Variants in PALMD observed in about 807,000 individuals in gnomAD.
PALMD encodes palmdelphin.
PALMD carries 42 observed loss-of-function variants against 56.2 expected under a neutral mutation model. The ratio of observed to expected loss-of-function variants is 0.75; its 90% CI spans 0.58 to 0.97. The LOEUF (loss-of-function observed/expected upper bound fraction) is 0.97. Ranked by LOEUF, PALMD falls within the 50% of genes least tolerant of loss-of-function variation. The probability of loss-of-function intolerance (pLI) is 0.00; values close to 1 mark genes in which losing one functional copy is unlikely to be tolerated. For synonymous variants in PALMD, 242 were observed against 222.9 expected (o/e 1.09, Z -0.76); for missense variants, 660 against 643.8 (o/e 1.03, Z -0.27).
intron 1 of PALMD, among the ~76,000 whole-genome samples, chr1:99,658,154 A>C (rs1652767579): frequency 6.6e-6 from 1 of 151,858 alleles, no homozygotes; most frequent in South Asian, 2.1e-4. Flanking sequence ...AAATACAAAA[A>C]TTACCCGGGC....
intron 1 of PALMD, among the ~76,000 whole-genome samples, chr1:99,652,198 T>C (rs932110896): frequency 6.6e-6 from 1 of 152,202 alleles, no homozygotes; most frequent in Non-Finnish European, 1.5e-5. Flanking sequence ...AAGGAATTAG[T>C]CAAATGTCGG....
intron 1 of PALMD, among the ~76,000 whole-genome samples, chr1:99,652,598 C>T (rs960709181): frequency 2.8e-5 from 4 of 144,852 alleles, no homozygotes; most frequent in Admixed American, 7.2e-5. Context: ...AGTGAGACTC[C>T]GTCAGAAAAG....
chr1:99,674,105 T>C (rs768349488), intron 3 of PALMD, among the ~76,000 whole-genome samples: 11 of 152,178 alleles, frequency 7.2e-5, no homozygotes, highest in Non-Finnish European at 1.3e-4. Context: ...TGTTTTAACA[T>C]CTCACCAGCA....
intron 7 of PALMD, among the ~76,000 whole-genome samples, chr1:99,691,759 C>T (rs560043693): frequency 1.3e-5 from 2 of 152,250 alleles, no homozygotes; most frequent in African/African-American, 4.8e-5. Flanking sequence ...CTTGAAAACT[C>T]ACCATTTAGG....
At chr1:99,689,930 T>G (rs748063837) in intron 7 of PALMD, 58 bp downstream of exon 7, 15 of 1,494,502 alleles carry the variant, frequency 1.0e-5, no homozygotes, top group Non-Finnish European at 1.3e-5. Flanking sequence ...GCTTCTCTTG[T>G]GCTAATGCAG....
intron 3 of PALMD, among the ~76,000 whole-genome samples, chr1:99,677,948 C>A (rs1282583985): frequency 6.6e-6 from 1 of 152,118 alleles, no homozygotes; most frequent in Non-Finnish European, 1.5e-5. Context: ...TCAGTATTTG[C>A]AAGGACAAGT....
chr1:99,689,642 C>T lies in PALMD; in HGVS notation c.1382C>T (p.Pro461Leu), dbSNP rs1474546201. ...GAGGATGAAGGAGAAGCAGAGAAAC[C>T]GTCCTACCACCCCATAGCTCCCCAT... ...EEEDEGEAEK[P>L]SYHPIAPHSQ... Residue 461 changes from proline to leucine, a missense_variant, in exon 7 of 8, where the codon CCG becomes CTG. Physicochemically the swap from Pro to Leu is moderately conservative, Grantham distance 98. Coordinates refer to ENST00000263174, the MANE Select transcript of PALMD (RefSeq NM_017734.5). 9 of 1,613,502 alleles carry T rather than the reference C, an allele frequency of 5.6e-6. No individual in the cohort carries two copies. Among genetic ancestry groups the T allele is most frequent in the East Asian group, 2.2e-5 (1 of 44,850 alleles).
intron 1 of PALMD, among the ~76,000 whole-genome samples, chr1:99,658,700 G>T (rs1652782841): frequency 6.6e-6 from 1 of 151,978 alleles, no homozygotes; most frequent in South Asian, 2.1e-4. Flanking sequence ...GAATCTGGGA[G>T]GCGGAGCTTG....
At position 99,694,098 on chromosome 1, in the gene PALMD, G is replaced by A. The variant is rs1185168443; in HGVS notation, c.*36G>A. The A allele has an allele frequency of 2.1e-6, 3 of 1,415,402 alleles. No individual in the cohort carries two copies. The highest frequency in any genetic ancestry group is 2.9e-6 in the Non-Finnish European group (3 of 1,021,260). The allele number at this position is 1,415,402 out of a possible 1,614,324, so 87.7% of individuals were successfully genotyped here. On this transcript the variant is annotated 3_prime_UTR_variant, in exon 8 of 8. Transcript: ENST00000263174. ...ACCTATATAAACATCCTTTGAAGAA[G>A]AAACTAAGAAGCATTTGCAAATTTC...
chr1:99,687,032 T>A, intron 5 of PALMD, 44 bp from the exon 6 acceptor site: 1 of 1,516,386 alleles, frequency 6.6e-7, no homozygotes, highest in Non-Finnish European at 9.1e-7. Context: ...GTTCCCATTG[T>A]AAATATATTC....
At chr1:99,681,143 A>G (rs905371307) in intron 3 of PALMD, among the ~76,000 whole-genome samples, 34 of 150,746 alleles carry the variant, frequency 2.3e-4, no homozygotes, top group African/African-American at 8.1e-4. Context: ...GTGTATGTAT[A>G]TATATATATG....
In PALMD at chr1:99,648,175, C is replaced by T. The variant is rs546771076; in HGVS notation, c.45+1813C>T. On this transcript the variant is annotated intron_variant, in intron 1 of 7. Coordinates refer to ENST00000263174, the MANE Select transcript of PALMD (RefSeq NM_017734.5). The stretch of plus-strand genomic sequence containing the variant: ...GTAATTCTAGCTTGGAAGTAATATA[C>T]TTGTATAAAGGTTGTAGGGAAAAAA... Among the ~76,000 whole-genome samples the T allele has an allele frequency of 5.3e-5, 8 of 152,244 alleles. No individual in the cohort carries two copies. The East Asian group carries it at 1.5e-3, about 29-fold the overall frequency.
At chr1:99,679,790 G>A (rs867961070) in intron 3 of PALMD, among the ~76,000 whole-genome samples, 1 of 152,284 alleles carries the variant, frequency 6.6e-6, no homozygotes, top group Middle Eastern at 3.4e-3. Context: ...GTAAAGATCT[G>A]ATTTCAAATT....
Position 99,667,781 on chromosome 1 carries a change from G to A in PALMD, c.251+15G>A. On this transcript the variant is annotated intron_variant, in intron 3 of 7. Coordinates refer to ENST00000263174, the MANE Select transcript of PALMD (RefSeq NM_017734.5). Reference sequence around the variant, plus strand: ...AGTATCCTCAGGTATGGCCCTCACTGAGATACTCCACAACTACCTTTATTT... The same window carrying A: ...AGTATCCTCAGGTATGGCCCTCACTAAGATACTCCACAACTACCTTTATTT... 2 of 1,610,172 alleles carry A rather than the reference G, an allele frequency of 1.2e-6. No homozygotes were observed.
At chr1:99,659,395 G>C (rs560081986) in intron 1 of PALMD, among the ~76,000 whole-genome samples, 2 of 152,164 alleles carry the variant, frequency 1.3e-5, no homozygotes, top group Non-Finnish European at 2.9e-5. Context: ...AAAAGTCAAG[G>C]TAGTTGGACA....
intron 5 of PALMD, 49 bp downstream of exon 5, chr1:99,687,012 AT>A: frequency 2.0e-6 from 3 of 1,522,714 alleles, no homozygotes; most frequent in Non-Finnish European, 2.7e-6. Context: ...TTTTTTGGTA[AT>A]TTGAAATTGT....
intron 3 of PALMD, among the ~76,000 whole-genome samples, chr1:99,671,202 A>T (rs1653080216): frequency 6.6e-6 from 1 of 152,240 alleles, no homozygotes. Flanking sequence ...TTTAATGGGA[A>T]CATCAAAGTA....
At chr1:99,648,285 G>C (rs1348114953) in intron 1 of PALMD, among the ~76,000 whole-genome samples, 1 of 152,084 alleles carries the variant, frequency 6.6e-6, no homozygotes, top group African/African-American at 2.4e-5. Context: ...TCACCACCTA[G>C]AGGAAAAGTG....
intron 1 of PALMD, among the ~76,000 whole-genome samples, chr1:99,654,919 C>T (rs988217478): frequency 6.6e-6 from 1 of 151,880 alleles, no homozygotes; most frequent in African/African-American, 2.4e-5. Flanking sequence ...AAAATGATTC[C>T]AAAGTCCAAC....
Sources: allele counts gnomAD v4.1 joint callset (sites outside exome capture counted in the v4.1 genomes callset), GRCh38; gene constraint gnomAD v4.1.1; transcripts MANE v1.5; gene names NCBI Gene and HGNC (gene_info 2026-07-23, HGNC 2026-07-21).